Variants in TCHH observed in about 807,000 individuals in gnomAD.
The protein encoded by TCHH is trichohyalin.
Under a neutral mutation model 6.3 loss-of-function variants are expected in TCHH, and 6 were observed. The ratio of observed to expected loss-of-function variants is 0.95; its 90% CI spans 0.52 to 1.88. The LOEUF (loss-of-function observed/expected upper bound fraction) is 1.88, where lower values mean the gene tolerates loss of function less well. Among genes scored for constraint, TCHH ranks in the 40% most tolerant of loss-of-function variants. The pLI is 0.01. For missense variants in TCHH, 2,920 were observed against 2,449.1 expected (o/e 1.19, Z -4.06); for synonymous variants, 1,087 against 963.6 (o/e 1.13, Z -2.37).
chr1:152,115,313 C>G (rs1398281192), intron 1 of TCHH, 78 bp downstream of exon 1: 1 of 152,160 alleles, frequency 6.6e-6, no homozygotes, highest in East Asian at 1.9e-4. Flanking sequence ...GGAACCTCCC[C>G]CCATATCCCA....
chr1:152,115,043 T>G (rs995538039), intron 1 of TCHH, among the ~76,000 whole-genome samples: 2 of 152,214 alleles, frequency 1.3e-5, no homozygotes. Flanking sequence ...ATGCTGTGAC[T>G]GTATGAAGAT....
Position 152,107,421 on chromosome 1 carries a change from C to G in TCHH, c.5796G>C (p.Glu1932Asp). 1 of 1,604,846 alleles carries G rather than the reference C, an allele frequency of 6.2e-7. No individual in the cohort carries two copies. Among genetic ancestry groups the G allele is most frequent in the East Asian group, 2.2e-5 (1 of 44,746 alleles). Residue 1932 changes from glutamate to aspartate, a missense_variant, in exon 3 of 3, where the codon GAG becomes GAC. Coordinates refer to ENST00000614923, the MANE Select transcript of TCHH (RefSeq NM_007113.4). The stretch of plus-strand genomic sequence containing the variant: ...ATTGAGATCTCTGCTCTTGGATGTA[C>G]TCATAGAGAGGGCTGGAGCGCACTG... ...SVPVRSSPLY[E>D]YIQEQRSQYR...
Position 152,111,805 on chromosome 1 carries a change from C to T in TCHH, c.1412G>A (p.Arg471Lys). 1.3e-6 allele frequency: 2 copies of T among 1,583,526 alleles called. No individual in the cohort carries two copies. The highest frequency in any genetic ancestry group is 1.7e-6 in the Non-Finnish European group (2 of 1,168,628). ...EEETERHEQERRKQQLKRDQE... is the reference protein window; with the variant it reads ...EEETERHEQEKRKQQLKRDQE... ...GTCGCGCTTCAGCTGCTGCTTGCGC[C>T]TCTCCTGCTCGTGCCTCTCCGTCTC... Residue 471 changes from arginine (R) to lysine (K), a missense_variant, in exon 3 of 3, where the codon AGG (arginine) becomes AAG (lysine). Arg to Lys is a conservative substitution (Grantham distance 26). Transcript: ENST00000614923.
Position 152,108,730 on chromosome 1 carries a change from C to T in TCHH, c.4487G>A (p.Arg1496His). ...KFLEEEQQLR[R>H]QERDRKFREQ... is the part of the protein sequence containing the mutation. ...GCGGAATTTTCTGTCACGCTCTTGGCGGCGCAGCTGTTGTTCCTCCTCCAG... is the reference window on the plus strand; with the variant it reads ...GCGGAATTTTCTGTCACGCTCTTGGTGGCGCAGCTGTTGTTCCTCCTCCAG... The change falls in exon 3 of 3, where the codon CGC becomes CAC. Residue 1496 changes from arginine to histidine, a missense_variant. By Grantham distance (29) the Arg-to-His change is conservative. Transcript: ENST00000614923. The T allele has an allele frequency of 1.2e-6, 2 of 1,612,458 alleles. No homozygotes were observed. The highest frequency in any genetic ancestry group is 1.1e-5 in the South Asian group (1 of 90,996).
Position 152,108,829 on chromosome 1 carries a change from A to C in TCHH, c.4388T>G (p.Phe1463Cys), listed in dbSNP as rs777634581. The C allele has an allele frequency of 3.7e-6, 6 of 1,601,834 alleles. No individual in the cohort carries two copies. The highest frequency in any genetic ancestry group is 1.4e-5 in the African/African-American group (1 of 70,048). Residue 1463 changes from phenylalanine (F) to cysteine (C), a missense_variant, in exon 3 of 3, where the codon TTC becomes TGC. Coordinates refer to ENST00000614923, the MANE Select transcript of TCHH (RefSeq NM_007113.4). Reference protein sequence around the residue: ...QQLRQERHRKFREEEQLLQER... With the variant: ...QQLRQERHRKCREEEQLLQER... ...CTGGAGCAGCTGTTCCTCTTCGCGGAATTTTCTGTGACGCTCCTGGCGCAG... is the reference window on the plus strand; with the variant it reads ...CTGGAGCAGCTGTTCCTCTTCGCGGCATTTTCTGTGACGCTCCTGGCGCAG...
In TCHH at chr1:152,107,575, C is replaced by G. The variant is rs767544671; in HGVS notation, c.5642G>C (p.Arg1881Pro). ...CTGCTGGCGGCGGATGTGTTCTTCC[C>G]GTAATTTCCTTTCCCGTTCCTGGCG... ...KRRQERERKL[R>P]EEHIRRQQKE... The change falls in exon 3 of 3, where the codon CGG becomes CCG. Residue 1881 changes from arginine (R) to proline (P), a missense_variant. Coordinates refer to ENST00000614923, the MANE Select transcript of TCHH (RefSeq NM_007113.4). 2.5e-6 allele frequency: 4 copies of G among 1,614,066 alleles called. No homozygotes were observed. Among genetic ancestry groups the G allele is most frequent in the Non-Finnish European group, 2.5e-6 (3 of 1,179,988 alleles).
chr1:152,110,690 G>C lies in TCHH; in HGVS notation c.2527C>G (p.Arg843Gly). The C allele has an allele frequency of 6.2e-7, 1 of 1,612,490 alleles. No homozygotes were observed. ...TCCTGGAGCTGTTGGGCACGCTCCC[G>C]CCGCTGGAGCTGCTCCTCTTCCTCC... ...FLEEEEQLQR[R>G]ERAQQLQEEE... Residue 843 changes from arginine (R) to glycine (G), a missense_variant, in exon 3 of 3, where the codon CGG becomes GGG. By Grantham distance (125) the Arg-to-Gly change is moderately radical. Transcript: ENST00000614923.
rs376282861 is a variant in TCHH at position 152,111,146 on chromosome 1, C to T, written c.2071G>A (p.Glu691Lys). 4.3e-6 allele frequency: 7 copies of T among 1,613,726 alleles called. No homozygotes were observed. Among genetic ancestry groups the T allele is most frequent in the Admixed American group, 1.7e-5 (1 of 60,004 alleles). ...CTCTTAATCCGCTCCCGGGCCTGTT[C>T]CTGCTCCTCCTCAGCTAGCTCCTGC... ...REQELAEEEQEQARERIKSRI... is the reference protein window; with the variant it reads ...REQELAEEEQKQARERIKSRI... The change falls in exon 3 of 3, where the codon GAA (glutamate) becomes AAA (lysine). Residue 691 changes from glutamate (E) to lysine (K), a missense_variant. Transcript: ENST00000614923.
rs764598764 is a variant in TCHH, at chr1:152,108,738, CTGT to C, written c.4476_4478del (p.Gln1493del). ...TTCTGTCACGCTCTTGGCGGCGCAG[CTGT>C]TGTTCCTCCTCCAGGAATTTTCTGT... On this transcript the variant is annotated inframe_deletion, in exon 3 of 3. Transcript: ENST00000614923. The C allele has an allele frequency of 6.2e-7, 1 of 1,612,110 alleles. No individual in the cohort carries two copies. Among genetic ancestry groups the C allele is most frequent in the Non-Finnish European group, 8.5e-7 (1 of 1,179,572 alleles).
At chr1:152,114,352 C>T (rs1336695610) in intron 1 of TCHH, among the ~76,000 whole-genome samples, 1 of 152,346 alleles carries the variant, frequency 6.6e-6, no homozygotes, top group Admixed American at 6.5e-5. Flanking sequence ...ATTGTCCACC[C>T]AATGTGGATT....
rs199667222 is a variant in TCHH, at chr1:152,111,136, C to T, written c.2081G>A (p.Arg694Gln). The T allele has an allele frequency of 5.0e-6, 8 of 1,613,644 alleles. No individual in the cohort carries two copies. Among genetic ancestry groups the T allele is most frequent in the Middle Eastern group, 1.6e-4 (1 of 6,084 alleles). The change falls in exon 3 of 3, where the codon CGG becomes CAG. Residue 694 changes from arginine to glutamine, a missense_variant. Arg to Gln is a conservative substitution (Grantham distance 43, BLOSUM62 1). Coordinates refer to ENST00000614923, the MANE Select transcript of TCHH (RefSeq NM_007113.4). ...CGGGATGCGGCTCTTAATCCGCTCCCGGGCCTGTTCCTGCTCCTCCTCAGC... is the reference window on the plus strand; with the variant it reads ...CGGGATGCGGCTCTTAATCCGCTCCTGGGCCTGTTCCTGCTCCTCCTCAGC... ...ELAEEEQEQA[R>Q]ERIKSRIPKW...
chr1:152,111,209 G>C lies in TCHH; in HGVS notation c.2008C>G (p.Gln670Glu), dbSNP rs751177057. 3.9e-5 allele frequency: 63 copies of C among 1,611,148 alleles called. No individual in the cohort carries two copies. In the Middle Eastern group the frequency reaches 8.3e-4, roughly 21 times the overall value. Residue 670 changes from glutamine to glutamate, a missense_variant, in exon 3 of 3, where the codon CAG becomes GAG. Physicochemically the swap from Gln to Glu is conservative, Grantham distance 29 (BLOSUM62 2). Transcript: ENST00000614923. ...KREEEEERLE[Q>E]RLKREHEEER... Reference sequence around the variant, plus strand: ...TCCTCATGCTCGCGCTTCAGCCGCTGCTCGAGCCTCTCTTCCTCCTCCTCG... The same window carrying C: ...TCCTCATGCTCGCGCTTCAGCCGCTCCTCGAGCCTCTCTTCCTCCTCCTCG...
Position 152,111,722 on chromosome 1 carries a change from G to GCTCGCGCCTCTCCTC in TCHH, c.1480_1494dup (p.Glu494_Glu498dup), listed in dbSNP as rs1658363322. On this transcript the variant is annotated inframe_insertion, in exon 3 of 3. Transcript: ENST00000614923. ...AGTTGCTGCTCGCGCCTCTCCTGCT[G>GCTCGCGCCTCTCCTC]CTCGCGCCTCTCCTCCTCCTCGAGC... The GCTCGCGCCTCTCCTC allele has an allele frequency of 6.3e-7, 1 of 1,597,270 alleles. No individual in the cohort carries two copies. The highest frequency in any genetic ancestry group is 1.4e-5 in the African/African-American group (1 of 73,008).
chr1:152,110,911 C>CA lies in TCHH; in HGVS notation c.2305dup (p.Trp769LeufsTer196), dbSNP rs770712822. On this transcript the variant is annotated frameshift_variant, in exon 3 of 3. Coordinates refer to ENST00000614923, the MANE Select transcript of TCHH (RefSeq NM_007113.4). LOFTEE classifies it low-confidence loss of function (END_TRUNC). ...GCTCTTTTCCTCCGCCTGCCACTGCCATGTGAAGTCCCGGCGCTGCTCCTC... is the reference window on the plus strand; with the variant it reads ...GCTCTTTTCCTCCGCCTGCCACTGCCAATGTGAAGTCCCGGCGCTGCTCCTC... 3 of 1,612,998 alleles carry CA rather than the reference C, an allele frequency of 1.9e-6. No individual in the cohort carries two copies. The South Asian group carries it at 3.3e-5, about 18-fold the overall frequency.
At position 152,109,344 on chromosome 1, in the gene TCHH, C is replaced by T. The variant is rs774131285; in HGVS notation, c.3873G>A (p.Arg1291=). The T allele has an allele frequency of 4.3e-6, 7 of 1,614,238 alleles. No individual in the cohort carries two copies. The South Asian group carries it at 5.5e-5, about 13-fold the overall frequency. Residue 1291 remains arginine, a synonymous_variant, in exon 3 of 3, where the codon AGG becomes AGA. Transcript: ENST00000614923. ...CCAGCTGTTCTTCCTCTGGGAAATGCCTGTCGCGCTGCTGCCAGCGCCTCC... is the reference window on the plus strand; with the variant it reads ...CCAGCTGTTCTTCCTCTGGGAAATGTCTGTCGCGCTGCTGCCAGCGCCTCC... ...QERRRWQQRD[R]HFPEEEQLER... is the part of the protein sequence containing the mutation.
rs768470351 is a variant in TCHH at position 152,111,444 on chromosome 1, C to T, written c.1773G>A (p.Lys591=). The T allele has an allele frequency of 1.9e-6, 3 of 1,609,886 alleles. No individual in the cohort carries two copies. In the African/African-American group the frequency reaches 4.1e-5, roughly 22 times the overall value. Residue 591 remains lysine (K), a synonymous_variant, in exon 3 of 3, where the codon AAG becomes AAA. Transcript: ENST00000614923. ...GCTCGAGCCTCTCTTCCTGCTCGCG[C>T]TTCAGCCGCTGCTGGCGCCTCTCCT... ...REEERRQQRL[K]REQEERLEQR...
chr1:152,110,264 C>A lies in TCHH; in HGVS notation c.2953G>T (p.Glu985Ter). The change falls in exon 3 of 3, where the codon GAG becomes TAG. Residue 985 changes from glutamate to a stop codon, truncating the protein, a stop_gained. Transcript: ENST00000614923. LOFTEE classifies it low-confidence loss of function (END_TRUNC). ...TCCTCGCGGTATTTTTTCTCCCGCT[C>A]CTGGCGCCTTCTCTTCTCCGGTTCC... ...GEEPEKRRRQEREKKYREEEE... is the reference protein window; with the variant it reads ...GEEPEKRRRQ 6.2e-7 allele frequency: 1 copy of A among 1,610,694 alleles called. No individual in the cohort carries two copies. The highest frequency in any genetic ancestry group is 1.1e-5 in the South Asian group (1 of 90,724).
Position 152,108,899 on chromosome 1 carries a change from G to A in TCHH, c.4318C>T (p.Arg1440Cys), listed in dbSNP as rs376066367. ...AATTTTCTCTCTCGTTCCTGGCGGC[G>A]CACCTGCTGTTCCTCTTCACGGAAT... is the stretch of plus-strand genomic sequence containing the variant. ...RKFREEEQQV[R>C]RQERERKFLE... The change falls in exon 3 of 3, where the codon CGC becomes TGC. Residue 1440 changes from arginine to cysteine, a missense_variant. Physicochemically the swap from Arg to Cys is radical, Grantham distance 180. Transcript: ENST00000614923. 3.7e-6 allele frequency: 6 copies of A among 1,613,092 alleles called. No homozygotes were observed. The highest frequency in any genetic ancestry group is 2.7e-5 in the African/African-American group (2 of 74,600).
In TCHH at chr1:152,107,431, G is replaced by A. The variant is rs766365697; in HGVS notation, c.5786C>T (p.Pro1929Leu). ...CTGCTCTTGGATGTACTCATAGAGAGGGCTGGAGCGCACTGGGACACTGGC... is the reference window on the plus strand; with the variant it reads ...CTGCTCTTGGATGTACTCATAGAGAAGGCTGGAGCGCACTGGGACACTGGC... ...QFASVPVRSS[P>L]LYEYIQEQRS... Residue 1929 changes from proline to leucine, a missense_variant, in exon 3 of 3, where the codon CCT becomes CTT. Physicochemically the swap from Pro to Leu is moderately conservative, Grantham distance 98. Coordinates refer to ENST00000614923, the MANE Select transcript of TCHH (RefSeq NM_007113.4). The A allele has an allele frequency of 6.2e-7, 1 of 1,610,870 alleles. No individual in the cohort carries two copies. Among genetic ancestry groups the A allele is most frequent in the Non-Finnish European group, 8.5e-7 (1 of 1,178,368 alleles).
Sources: gnomAD v4.1 joint callset for allele counts (sites outside exome capture counted in the v4.1 genomes callset) on GRCh38, gnomAD v4.1.1 for gene constraint, MANE v1.5 for transcripts, NCBI Gene and HGNC (gene_info 2026-07-23, HGNC 2026-07-21) for gene names.